Variants in ALPK3 observed in about 807,000 individuals in gnomAD.
ALPK3 encodes alpha-protein kinase 3.
A neutral mutation model predicts 140.0 loss-of-function variants in ALPK3; 102 were observed. The ratio of observed to expected loss-of-function variants is 0.73; its 90% CI spans 0.62 to 0.86. The LOEUF is 0.86. Among genes scored for constraint, ALPK3 ranks in the 40% least tolerant of loss-of-function variants. The pLI, the probability that ALPK3 is intolerant of heterozygous loss-of-function variation, is 0.00. For synonymous variants in ALPK3, 938 were observed against 898.5 expected (o/e 1.04, Z -0.79); for missense variants, 2,254 against 2,208.2 (o/e 1.02, Z -0.42).
chr15:84,817,433 C>T lies in ALPK3; in HGVS notation c.-20C>T. ...GAGGCAGCGGCGAGTGCGGGGCCGG[C>T]GGTCGGGGAGGGCGGTGCCATGGGG... On this transcript the variant is annotated 5_prime_UTR_variant, in exon 1 of 14. Transcript: ENST00000258888. The T allele has an allele frequency of 2.4e-6, 3 of 1,251,134 alleles. No individual in the cohort carries two copies. Among genetic ancestry groups the T allele is most frequent in the Non-Finnish European group, 3.0e-6 (3 of 1,003,262 alleles). The allele number at this position is 1,251,134 out of a possible 1,614,324, so 77.5% of individuals were successfully genotyped here. A position where few individuals can be genotyped will look rare whatever the true frequency, so the allele number is the denominator to read the frequency against.
chr15:84,859,224 G>T lies in ALPK3; in HGVS notation c.3818-19G>T. 4 of 1,613,712 alleles carry T rather than the reference G, an allele frequency of 2.5e-6. No homozygotes were observed. Among genetic ancestry groups the T allele is most frequent in the Non-Finnish European group, 3.4e-6 (4 of 1,179,918 alleles). ...AGAGGAGAGGTGGTGTTCCCCTCTT[G>T]ACTGGGCCCTGCTCTCAGCCCCACA... On this transcript the variant is annotated intron_variant, in intron 6 of 13. Coordinates refer to ENST00000258888, the MANE Select transcript of ALPK3 (RefSeq NM_020778.5).
rs1451175669 is a variant in ALPK3 at position 84,839,877 on chromosome 15, T to C, written c.598T>C (p.Trp200Arg). 1 of 1,613,916 alleles carries C rather than the reference T, an allele frequency of 6.2e-7. No individual in the cohort carries two copies. Among genetic ancestry groups the C allele is most frequent in the East Asian group, 2.2e-5 (1 of 44,836 alleles). ...AAAGCTGCGCGAGATCGAGCAGAGC[T>C]GGAAGCACGAGAAGGCGGTGCCTGG... ...AAKLREIEQSWKHEKAVPGEV... is the reference protein window; with the variant it reads ...AAKLREIEQSRKHEKAVPGEV... Residue 200 changes from tryptophan to arginine, a missense_variant, in exon 5 of 14, where the codon TGG (tryptophan) becomes CGG (arginine). Physicochemically the swap from Trp to Arg is moderately radical, Grantham distance 101. Around this residue, in one of 3 missense-constraint regions of ALPK3, gnomAD observed 2,088 missense variants for 2,022.9 expected, o/e 1.03. Coordinates refer to ENST00000258888, the MANE Select transcript of ALPK3 (RefSeq NM_020778.5).
At position 84,840,008 on chromosome 15, in the gene ALPK3, G is replaced by A. The variant is rs1963641057; in HGVS notation, c.729G>A (p.Glu243=). The A allele has an allele frequency of 2.5e-6, 4 of 1,613,692 alleles. No individual in the cohort carries two copies. The highest frequency in any genetic ancestry group is 3.4e-6 in the Non-Finnish European group (4 of 1,179,852). The change falls in exon 5 of 14, where the codon GAG becomes GAA. Residue 243 remains glutamate (E), a synonymous_variant. Transcript: ENST00000258888. ...CCTCGGTCCCTACCAGGGAGCCTGAGGGTGGGACCCTGGCGGCTTGGCAGG... is the reference window on the plus strand; with the variant it reads ...CCTCGGTCCCTACCAGGGAGCCTGAAGGTGGGACCCTGGCGGCTTGGCAGG... ...PGPSVPTREP[E]GGTLAAWQEG... is the part of the protein sequence containing the mutation.
rs1457250547 is a variant in ALPK3, at chr15:84,870,279, C to T, written c.*1823C>T. 1 of 152,252 alleles carries T rather than the reference C, an allele frequency of 6.6e-6. No individual in the cohort carries two copies. Among genetic ancestry groups the T allele is most frequent in the Non-Finnish European group, 1.5e-5 (1 of 68,110 alleles). 9.4% of individuals were successfully genotyped at this position (152,252 alleles called of 1,614,324 possible). A position where few individuals can be genotyped will look rare whatever the true frequency, so the allele number is the denominator to read the frequency against. ...TCAGGTGACTCCACATCTTCTGCCC[C>T]AGTGTGTCCCCACCTCTCCCAGCCT... On this transcript the variant is annotated 3_prime_UTR_variant, in exon 14 of 14. Transcript: ENST00000258888.
At chr15:84,844,865 A>T (rs1220693889) in intron 5 of ALPK3, among the ~76,000 whole-genome samples, 1 of 152,256 alleles carries the variant, frequency 6.6e-6, no homozygotes, top group African/African-American at 2.4e-5. Flanking sequence ...TCAAAAAAAA[A>T]AAGGTGGAAA....
chr15:84,839,341 T>A (rs570165524), intron 4 of ALPK3, among the ~76,000 whole-genome samples: 120 of 152,230 alleles, frequency 7.9e-4, no homozygotes, highest in Admixed American at 1.5e-3. Context: ...CCAGCAGAGG[T>A]CCTGACCTAC....
chr15:84,833,847 C>T (rs1184100446), intron 3 of ALPK3, among the ~76,000 whole-genome samples: 1 of 152,166 alleles, frequency 6.6e-6, no homozygotes, highest in African/African-American at 2.4e-5. Flanking sequence ...TCCTGTCTCC[C>T]CCAGGGACCC....
At position 84,839,727 on chromosome 15, in the gene ALPK3, T is replaced by C. The variant is rs760195075; in HGVS notation, c.448T>C (p.Tyr150His). 15 of 1,609,560 alleles carry C rather than the reference T, an allele frequency of 9.3e-6. No homozygotes were observed. Among genetic ancestry groups the C allele is most frequent in the Non-Finnish European group, 1.2e-5 (14 of 1,177,102 alleles). Residue 150 changes from tyrosine to histidine, a missense_variant, in exon 5 of 14, where the codon TAC becomes CAC. Physicochemically the swap from Tyr to His is moderately conservative, Grantham distance 83. Around this residue, in one of 3 missense-constraint regions of ALPK3, gnomAD observed 2,088 missense variants for 2,022.9 expected, o/e 1.03. Transcript: ENST00000258888. Reference sequence around the variant, plus strand: ...GTGTCGAGAAGAAGATGCCGCCATCTACCAGGCCTCTGCCCAGAACAGCAA... The same window carrying C: ...GTGTCGAGAAGAAGATGCCGCCATCCACCAGGCCTCTGCCCAGAACAGCAA... Reference protein sequence around the residue: ...YRCREEDAAIYQASAQNSKGI... With the variant: ...YRCREEDAAIHQASAQNSKGI...
intron 5 of ALPK3, among the ~76,000 whole-genome samples, chr15:84,842,874 G>T (rs1223578762): frequency 6.6e-6 from 1 of 152,200 alleles, no homozygotes; most frequent in East Asian, 1.9e-4. Context: ...GCTTTGTGGG[G>T]CTGCTGCACA....
rs748760638 is a variant in ALPK3 at position 84,868,613 on chromosome 15, G to A, written c.*157G>A. On this transcript the variant is annotated 3_prime_UTR_variant, in exon 14 of 14. Transcript: ENST00000258888. ...TGAGCAGGCTCTCGTGAATCAGCTC[G>A]TCATCAGATGGCTTTGGTGCATGGC... The A allele has an allele frequency of 6.2e-5, 45 of 728,768 alleles. No individual in the cohort carries two copies. Among genetic ancestry groups the A allele is most frequent in the African/African-American group, 2.0e-4 (11 of 56,146 alleles). 45.1% of individuals were successfully genotyped at this position (728,768 alleles called of 1,614,324 possible).
intron 3 of ALPK3, among the ~76,000 whole-genome samples, chr15:84,837,466 G>C (rs1963608239): frequency 6.6e-6 from 1 of 152,194 alleles, no homozygotes; most frequent in African/African-American, 2.4e-5. Context: ...CCTTGTGCGG[G>C]TGCATGCCAT....
chr15:84,858,456 C>A lies in ALPK3; in HGVS notation c.3718C>A (p.Pro1240Thr). The change falls in exon 6 of 14, where the codon CCC becomes ACC. Residue 1240 changes from proline to threonine, a missense_variant. Coordinates refer to ENST00000258888, the MANE Select transcript of ALPK3 (RefSeq NM_020778.5). ...EEELAAGDLG[P>T]SPKAGGLDTE... ...GGAGCTGGCGGCAGGAGACCTGGGC[C>A]CCAGCCCCAAGGCCGGCGGTCTGGA... is the stretch of plus-strand genomic sequence containing the variant. The A allele has an allele frequency of 6.4e-7, 1 of 1,568,736 alleles. No individual in the cohort carries two copies.
At position 84,817,410 on chromosome 15, in the gene ALPK3, G is replaced by A. The variant is rs949112384; in HGVS notation, c.-43G>A. ...GGGCCGGGGCCTGGAGGACAGGCGA[G>A]GCAGCGGCGAGTGCGGGGCCGGCGG... On this transcript the variant is annotated 5_prime_UTR_variant, in exon 1 of 14. Coordinates refer to ENST00000258888, the MANE Select transcript of ALPK3 (RefSeq NM_020778.5). 3.0e-4 allele frequency: 371 copies of A among 1,241,650 alleles called. 4 individuals are homozygous for A. Among genetic ancestry groups the A allele is most frequent in the Middle Eastern group, 3.1e-4 (1 of 3,196 alleles). 76.9% of individuals were successfully genotyped at this position (1,241,650 alleles called of 1,614,324 possible).
chr15:84,817,489 G>A lies in ALPK3; in HGVS notation c.37G>A (p.Ala13Thr), dbSNP rs936606117. The A allele has an allele frequency of 4.2e-6, 6 of 1,437,214 alleles. No individual in the cohort carries two copies. The highest frequency in any genetic ancestry group is 6.1e-5 in the East Asian group (2 of 32,808). The allele number at this position is 1,437,214 out of a possible 1,614,324, so 89.0% of individuals were successfully genotyped here. The change falls in exon 1 of 14, where the codon GCG becomes ACG. Residue 13 changes from alanine to threonine, a missense_variant. By Grantham distance (58) the Ala-to-Thr change is moderately conservative. This residue lies in a region of ALPK3 where 2,088 missense variants were observed against 2,022.9 expected (regional missense o/e 1.03). Transcript: ENST00000258888. ...GAGGGCCCCCAGCCGGGGCTGGGGC[G>A]CGGGTGGGCGGTCGGGGGCGGGGGG... is the stretch of plus-strand genomic sequence containing the variant. ...SRRAPSRGWG[A>T]GGRSGAGGDG...
At chr15:84,850,287 C>T (rs1963787970) in intron 5 of ALPK3, among the ~76,000 whole-genome samples, 1 of 152,284 alleles carries the variant, frequency 6.6e-6, no homozygotes, top group Admixed American at 6.5e-5. Context: ...GGTTATAAAC[C>T]ATACTATTTT....
chr15:84,864,662 G>T lies in ALPK3; in HGVS notation c.4720G>T (p.Ala1574Ser). The change falls in exon 12 of 14, where the codon GCA (alanine) becomes TCA (serine). Residue 1574 changes from alanine (A) to serine (S), a missense_variant. Physicochemically the swap from Ala to Ser is moderately conservative, Grantham distance 99. This residue lies in a region of ALPK3 where 8 missense variants were observed against 25.5 expected (regional missense o/e 0.31). Transcript: ENST00000258888. The stretch of plus-strand genomic sequence containing the variant: ...TGGCAGCTTCCTTGTCACAGACTTG[G>T]CAGGTACGAGGGTGTGAGGGTGCAC... ...TNGSFLVTDL[A>S]GVDWKMTDVQ... 1 of 1,613,986 alleles carries T rather than the reference G, an allele frequency of 6.2e-7. No individual in the cohort carries two copies. The highest frequency in any genetic ancestry group is 1.1e-5 in the South Asian group (1 of 91,082).
intron 5 of ALPK3, among the ~76,000 whole-genome samples, chr15:84,846,913 C>T (rs943263770): frequency 7.2e-5 from 11 of 152,052 alleles, no homozygotes; most frequent in African/African-American, 2.7e-4. Context: ...GGATTACAGA[C>T]GTGTGCCGCT....
rs1021503103 is a variant in ALPK3, at chr15:84,857,660, G to A, written c.2922G>A (p.Glu974=). 1 of 1,604,396 alleles carries A rather than the reference G, an allele frequency of 6.2e-7. No individual in the cohort carries two copies. The highest frequency in any genetic ancestry group is 8.5e-7 in the Non-Finnish European group (1 of 1,173,094). Residue 974 remains glutamate (E), a synonymous_variant, in exon 6 of 14, where the codon GAG becomes GAA. Transcript: ENST00000258888. ...LLLLLKLSST[E]TSGAGGESQV... Reference sequence around the variant, plus strand: ...TGCTGCTGAAGCTGTCCAGCACAGAGACAAGTGGAGCAGGGGGAGAGTCCC... The same window carrying A: ...TGCTGCTGAAGCTGTCCAGCACAGAAACAAGTGGAGCAGGGGGAGAGTCCC...
At chr15:84,824,685 C>A (rs1160797844) in intron 2 of ALPK3, among the ~76,000 whole-genome samples, 1 of 152,130 alleles carries the variant, frequency 6.6e-6, no homozygotes, top group Admixed American at 6.5e-5. Flanking sequence ...CAAACCTTAC[C>A]TAAGGGCGAG....
Sources: gnomAD v4.1 joint callset for allele counts (sites outside exome capture counted in the v4.1 genomes callset) on GRCh38, gnomAD v4.1.1 for gene constraint, gnomAD v4.1.1 regional missense constraint, MANE v1.5 for transcripts, NCBI Gene and HGNC (gene_info 2026-07-23, HGNC 2026-07-21) for gene names.